CCDC30: variants seen among roughly 807,000 people sequenced by gnomAD.
CCDC30 encodes coiled-coil domain-containing protein 30.
A neutral mutation model predicts 100.2 loss-of-function variants in CCDC30; 70 were observed. That is an observed-to-expected ratio of 0.70 (90% CI 0.58 to 0.85). The LOEUF is 0.85. Among genes scored for constraint, CCDC30 ranks in the 40% least tolerant of loss-of-function variants. The probability of loss-of-function intolerance (pLI) is 0.00; values close to 1 mark genes in which losing one functional copy is unlikely to be tolerated. For missense variants in CCDC30, 652 were observed against 771.2 expected (o/e 0.85, Z 1.83); for synonymous variants, 233 against 269.5 (o/e 0.86, Z 1.33).
At chr1:42,456,331 T>A in the CCDC30 span, 2,455 of 603,962 alleles carry the variant, frequency 4.1e-3, 37 homozygotes, top group African/African-American at 0.042. Flanking sequence ...TGAGGGAACG[T>A]GACCCTACCA....
chr1:42,549,576 T>C (rs1645208777), intron 6 of CCDC30, among the ~76,000 whole-genome samples: 1 of 150,318 alleles, frequency 6.7e-6, no homozygotes, highest in Admixed American at 6.6e-5. Flanking sequence ...TCTCTCTATA[T>C]GTATAACATG....
At chr1:42,489,785 C>T in intron 3 of CCDC30, 1 of 153,760 alleles carries the variant, frequency 6.5e-6, no homozygotes, top group Non-Finnish European at 1.4e-5. Context: ...TGATTGATTG[C>T]AGGAATTATT....
intron 12 of CCDC30, among the ~76,000 whole-genome samples, chr1:42,642,032 T>C (rs553435562): frequency 6.4e-4 from 98 of 152,198 alleles, no homozygotes; most frequent in African/African-American, 1.5e-3. Flanking sequence ...GAGACCATCC[T>C]GGCTAACACG....
chr1:42,573,053 GTTC>G (rs1345666436), intron 7 of CCDC30, among the ~76,000 whole-genome samples: 2 of 152,050 alleles, frequency 1.3e-5, no homozygotes, highest in Non-Finnish European at 2.9e-5. Flanking sequence ...TTTTCACCTT[GTTC>G]TTCTTTTCTG....
chr1:42,608,108 G>A (rs1646540368), intron 10 of CCDC30, among the ~76,000 whole-genome samples: 1 of 151,614 alleles, frequency 6.6e-6, no homozygotes, highest in Non-Finnish European at 1.5e-5. Context: ...CTCTAGACCA[G>A]GGGTCATAAG....
chr1:42,633,482 C>A (rs1647081101), intron 11 of CCDC30, among the ~76,000 whole-genome samples: 1 of 152,162 alleles, frequency 6.6e-6, no homozygotes, highest in African/African-American at 2.4e-5. Flanking sequence ...GGCCTCCAGA[C>A]ACCAGTCATT....
chr1:42,623,558 G>T (rs1375424525), intron 11 of CCDC30, among the ~76,000 whole-genome samples: 13 of 152,034 alleles, frequency 8.6e-5, no homozygotes, highest in African/African-American at 3.1e-4. Context: ...GTGTGGATTT[G>T]TTTCTGGGTT....
chr1:42,470,025 A>C (rs141033023), intron 1 of CCDC30, among the ~76,000 whole-genome samples: 44 of 152,302 alleles, frequency 2.9e-4, no homozygotes, highest in Non-Finnish European at 3.5e-4. Context: ...GCAACCTAAA[A>C]TAGGTGGATA....
At chr1:42,512,143 A>G (rs999219469) in intron 6 of CCDC30, among the ~76,000 whole-genome samples, 3 of 152,206 alleles carry the variant, frequency 2.0e-5, no homozygotes, top group Admixed American at 6.5e-5. Flanking sequence ...CGCTCATGCT[A>G]TTGTTTGTGG....
chr1:42,637,599 G>GAAAA (rs1325321372), intron 12 of CCDC30, among the ~76,000 whole-genome samples: 4 of 152,184 alleles, frequency 2.6e-5, no homozygotes, highest in African/African-American at 9.7e-5. Context: ...AAAATACTCT[G>GAAAA]TACTGCCAAC....
intron 9 of CCDC30, among the ~76,000 whole-genome samples, chr1:42,584,605 C>CA (rs5773782): frequency 0.6 from 90,965 of 151,370 alleles, 27,784 homozygotes; most frequent in East Asian, 0.81. Flanking sequence ...GACTCCATCT[C>CA]AAAAAAAAGA....
In CCDC30 at chr1:42,536,470, T is replaced by G; in HGVS notation, c.457-29826T>G. ...TAAAATTAATTATGTAAAATGCTTT[T>G]TACAGATCCTGAAAATGAGCCAAGA... is the stretch of plus-strand genomic sequence containing the variant. On this transcript the variant is annotated intron_variant, in intron 6 of 16. Transcript: ENST00000668663. 6.3e-7 allele frequency: 1 copy of G among 1,581,238 alleles called. No homozygotes were observed. The highest frequency in any genetic ancestry group is 8.6e-7 in the Non-Finnish European group (1 of 1,156,212).
intron 6 of CCDC30, among the ~76,000 whole-genome samples, chr1:42,514,331 A>T (rs547159390): frequency 6.6e-6 from 1 of 152,328 alleles, no homozygotes; most frequent in African/African-American, 2.4e-5. Context: ...ACTGTTTTCC[A>T]ATGAAGATGT....
upstream of CCDC30, chr1:42,460,133 TA>T: frequency 7.6e-7 from 1 of 1,308,036 alleles, no homozygotes; most frequent in Non-Finnish European, 9.7e-7. Flanking sequence ...CTAGAACTGT[TA>T]ATCACCTTTA....
chr1:42,551,544 T>A (rs1331644176), intron 6 of CCDC30, among the ~76,000 whole-genome samples: 1 of 152,018 alleles, frequency 6.6e-6, no homozygotes, highest in African/African-American at 2.4e-5. Flanking sequence ...TAGGACATGT[T>A]CTCAACTCCA....
the CCDC30 span, chr1:42,456,484 G>T: frequency 1.5e-6 from 2 of 1,371,560 alleles, no homozygotes; most frequent in East Asian, 2.7e-5. Flanking sequence ...TCAGTACGGC[G>T]CGGCGCGTAC....
intron 8 of CCDC30, among the ~76,000 whole-genome samples, chr1:42,577,792 C>G (rs1645872344): frequency 6.6e-6 from 1 of 152,020 alleles, no homozygotes; most frequent in Non-Finnish European, 1.5e-5. Context: ...AGGCGTCCAC[C>G]ACCACGCCCG....
At chr1:42,533,376 A>G (rs1644837458) in intron 6 of CCDC30, among the ~76,000 whole-genome samples, 1 of 152,190 alleles carries the variant, frequency 6.6e-6, no homozygotes, top group Non-Finnish European at 1.5e-5. Context: ...ATTAAAGAAT[A>G]AAGGATTAAT....
chr1:42,583,697 T>C (rs952375846), intron 9 of CCDC30, among the ~76,000 whole-genome samples: 1 of 152,184 alleles, frequency 6.6e-6, no homozygotes. Flanking sequence ...AGTAGGAATA[T>C]ATATTTAATA....
Sources: allele counts gnomAD v4.1 joint callset (sites outside exome capture counted in the v4.1 genomes callset), GRCh38; gene constraint gnomAD v4.1.1; transcripts MANE v1.5; gene names NCBI Gene and HGNC (gene_info 2026-07-23, HGNC 2026-07-21).